The following CDCP1 variants were observed in gnomAD, a reference collection of about 807,000 sequenced individuals.
CDCP1 encodes CUB domain containing protein 1, also known as CUB domain-containing protein 1.
CDCP1 carries 29 observed loss-of-function variants against 60.2 expected under a neutral mutation model. That is an observed-to-expected ratio of 0.48 (90% CI 0.36 to 0.66). The LOEUF (loss-of-function observed/expected upper bound fraction) is 0.66. Among genes scored for constraint, CDCP1 ranks in the 30% least tolerant of loss-of-function variants. CDCP1 has a pLI of 0.00. For missense variants in CDCP1, 876 were observed against 1,074.3 expected (o/e 0.82, Z 2.58); for synonymous variants, 387 against 431.1 (o/e 0.90, Z 1.27).
rs144568659 is a variant in CDCP1, at chr3:45,144,631, C to G, written c.82+1575G>C. ...CAGAGGCTCTCATTATTAGCAATGCCTTGATTAACACCCTGTTCTGACTGG... is the reference window on the plus strand; with the variant it reads ...CAGAGGCTCTCATTATTAGCAATGCGTTGATTAACACCCTGTTCTGACTGG... On this transcript the variant is annotated intron_variant, in intron 1 of 8. Coordinates refer to ENST00000296129, the MANE Select transcript of CDCP1 (RefSeq NM_022842.5). Among the ~76,000 whole-genome samples, 152 of 152,274 alleles carry G rather than the reference C, an allele frequency of 1.0e-3. 1 individual carries two copies. The highest frequency in any genetic ancestry group is 3.5e-3 in the African/African-American group (144 of 41,552).
chr3:45,105,949 C>G (rs369962544), intron 4 of CDCP1, among the ~76,000 whole-genome samples: 1 of 152,308 alleles, frequency 6.6e-6, no homozygotes, highest in East Asian at 1.9e-4. Context: ...GGTTTGCACA[C>G]TGTGGGCAGC....
chr3:45,115,384 C>CATGTTTGTGTGCATGT (rs1698769909), intron 2 of CDCP1, among the ~76,000 whole-genome samples: 1 of 152,132 alleles, frequency 6.6e-6, no homozygotes, highest in Non-Finnish European at 1.5e-5. Context: ...ATTGTGTGTG[C>CATGTTTGTGTGCATGT]ATGTTTGTGT....
rs565095365 is a variant in CDCP1 at position 45,111,318 on chromosome 3, T to C, written c.656-477A>G. Among the ~76,000 whole-genome samples the C allele has an allele frequency of 1.0e-3, 154 of 152,360 alleles. No individual in the cohort carries two copies. The Middle Eastern group carries it at 0.017, about 17-fold the overall frequency. On this transcript the variant is annotated intron_variant, in intron 3 of 8. Coordinates refer to ENST00000296129, the MANE Select transcript of CDCP1 (RefSeq NM_022842.5). ...AAAATAATTTATTTAATTATGTTAA[T>C]TTAATTCTATTTTTTTATAACGGAT...
chr3:45,114,077 A>G (rs555722537), intron 2 of CDCP1, among the ~76,000 whole-genome samples: 1 of 152,242 alleles, frequency 6.6e-6, no homozygotes, highest in African/African-American at 2.4e-5. Context: ...ACATGCCTGG[A>G]CCATCCCAGG....
At chr3:45,098,887 T>C (rs1698445554) in intron 4 of CDCP1, among the ~76,000 whole-genome samples, 1 of 152,226 alleles carries the variant, frequency 6.6e-6, no homozygotes. Flanking sequence ...AATAATTTGA[T>C]ACCCAAACTC....
At chr3:45,138,226 T>C (rs1234145690) in intron 1 of CDCP1, among the ~76,000 whole-genome samples, 1 of 152,256 alleles carries the variant, frequency 6.6e-6, no homozygotes, top group African/African-American at 2.4e-5. Flanking sequence ...TTCTAGTGTC[T>C]TTTAGAATAA....
At chr3:45,137,534 C>T (rs1039795833) in intron 1 of CDCP1, among the ~76,000 whole-genome samples, 25 of 151,610 alleles carry the variant, frequency 1.6e-4, no homozygotes, top group Non-Finnish European at 4.4e-5. Context: ...AGGCTGGGTG[C>T]AGTGGTTCAT....
intron 1 of CDCP1, among the ~76,000 whole-genome samples, chr3:45,126,066 C>T (rs548207198): frequency 6.6e-6 from 1 of 152,168 alleles, no homozygotes; most frequent in Admixed American, 6.5e-5. Context: ...GGTCAAGTTA[C>T]CTAGCAGAAG....
At chr3:45,146,072 A>G in intron 1 of CDCP1, 134 bp downstream of exon 1, 1 of 755,456 alleles carries the variant, frequency 1.3e-6, no homozygotes, top group Non-Finnish European at 2.0e-6. Context: ...CATTTTGACT[A>G]CGCCGTCCCC....
intron 7 of CDCP1, among the ~76,000 whole-genome samples, chr3:45,089,926 A>C (rs969292236): frequency 6.6e-6 from 1 of 152,222 alleles, no homozygotes; most frequent in Non-Finnish European, 1.5e-5. Flanking sequence ...CTTTTCCTGC[A>C]GCTGCACAAA....
rs544093773 is a variant in CDCP1 at position 45,101,755 on chromosome 3, G to A, written c.1025-6187C>T. ...TACAAAATTAGCTTGGCATGGTGGC[G>A]CATGCCTGTAATCCTAGCTACTCGG... is the stretch of plus-strand genomic sequence containing the variant. On this transcript the variant is annotated intron_variant, in intron 4 of 8. Transcript: ENST00000296129. Among the ~76,000 whole-genome samples the A allele has an allele frequency of 3.3e-4, 50 of 151,964 alleles. 1 individual carries two copies. In the East Asian group the frequency reaches 3.7e-3, roughly 11 times the overall value.
chr3:45,095,801 T>C (rs1366122701), intron 4 of CDCP1, among the ~76,000 whole-genome samples: 1 of 152,164 alleles, frequency 6.6e-6, no homozygotes, highest in Non-Finnish European at 1.5e-5. Context: ...ATTAAAAATG[T>C]GGCATAAACA....
chr3:45,107,631 A>G (rs1258627644), intron 4 of CDCP1, among the ~76,000 whole-genome samples: 2 of 152,196 alleles, frequency 1.3e-5, no homozygotes, highest in Admixed American at 1.3e-4. Context: ...CACCCCGATG[A>G]GGACAGTCTT....
intron 8 of CDCP1, among the ~76,000 whole-genome samples, chr3:45,086,922 A>G (rs1424230832): frequency 6.6e-6 from 1 of 152,258 alleles, no homozygotes; most frequent in Non-Finnish European, 1.5e-5. Flanking sequence ...CATATAAGGC[A>G]CAGGCTGGCA....
chr3:45,090,875 T>C (rs185003133), intron 7 of CDCP1, among the ~76,000 whole-genome samples: 73 of 152,092 alleles, frequency 4.8e-4, no homozygotes, highest in Non-Finnish European at 8.1e-4. Flanking sequence ...CAAGCTAAGA[T>C]CAGCAAAGTC....
Position 45,109,124 on chromosome 3 carries a change from CT to C in CDCP1, c.1024+1348del, listed in dbSNP as rs550693302. The stretch of plus-strand genomic sequence containing the variant: ...GCCATCATGCCTGGCTAATTTTTGA[CT>C]TTTTTGTAGGACGGGGTTTTGCCAC... On this transcript the variant is annotated intron_variant, in intron 4 of 8. Coordinates refer to ENST00000296129, the MANE Select transcript of CDCP1 (RefSeq NM_022842.5). 3.7e-3 allele frequency among the ~76,000 whole-genome samples: 565 copies of C among 150,874 alleles called. 1 individual carries two copies. The highest frequency in any genetic ancestry group is 0.014 in the Middle Eastern group (4 of 294).
upstream of CDCP1, chr3:45,146,408 G>T: frequency 1.3e-6 from 1 of 765,454 alleles, no homozygotes; most frequent in Non-Finnish European, 2.0e-6. Context: ...GGGCGGACCG[G>T]CCCGAGCCCC....
chr3:45,114,329 C>A (rs1576100983), intron 2 of CDCP1, among the ~76,000 whole-genome samples: 1 of 152,074 alleles, frequency 6.6e-6, no homozygotes, highest in South Asian at 2.1e-4. Context: ...TAAAATGATT[C>A]CTGTCCAGAG....
At chr3:45,115,940 C>A (rs561577949) in intron 2 of CDCP1, among the ~76,000 whole-genome samples, 136 of 152,192 alleles carry the variant, frequency 8.9e-4, no homozygotes, top group African/African-American at 3.2e-3. Context: ...TAAGTCTTCT[C>A]TTTTGTCTTT....
Sources: allele counts gnomAD v4.1 joint callset (sites outside exome capture counted in the v4.1 genomes callset), GRCh38; gene constraint gnomAD v4.1.1; transcripts MANE v1.5; gene names NCBI Gene and HGNC (gene_info 2026-07-23, HGNC 2026-07-21).